Variants in GBE1 observed in about 807,000 individuals in gnomAD.
GBE1 encodes the protein 1,4-alpha-glucan-branching enzyme.
In GBE1, 70 loss-of-function variants were observed where a neutral mutation model predicts 88.8. The observed-to-expected ratio is 0.79, with a 90% CI of 0.65 to 0.96. The LOEUF is 0.96. GBE1 is among the 40% of genes least tolerant of loss of function. GBE1 has a pLI of 0.00. For missense variants in GBE1, 872 were observed against 871.0 expected (o/e 1.00, Z -0.01); for synonymous variants, 284 against 300.1 (o/e 0.95, Z 0.56).
chr3:81,737,765 A>T (rs1232789209), intron 1 of GBE1, among the ~76,000 whole-genome samples: 1 of 151,566 alleles, frequency 6.6e-6, no homozygotes, highest in East Asian at 1.9e-4. Flanking sequence ...TTTGTTTATT[A>T]TTATACTTTA....
At chr3:81,544,163 A>C (rs1703175717) in intron 12 of GBE1, among the ~76,000 whole-genome samples, 1 of 152,176 alleles carries the variant, frequency 6.6e-6, no homozygotes, top group African/African-American at 2.4e-5. Context: ...GCTTTTAAGC[A>C]AAATAAAAAA....
At chr3:81,516,903 T>C (rs1017774214) in intron 14 of GBE1, among the ~76,000 whole-genome samples, 70 of 151,564 alleles carry the variant, frequency 4.6e-4, no homozygotes, top group African/African-American at 1.7e-3. Flanking sequence ...AAAACTTTAA[T>C]GGATGAGGAA....
chr3:81,608,654 C>G (rs1443823760), intron 7 of GBE1, among the ~76,000 whole-genome samples: 2 of 152,116 alleles, frequency 1.3e-5, no homozygotes, highest in African/African-American at 4.8e-5. Flanking sequence ...TCTGTTAACT[C>G]CTTAAGATGA....
At chr3:81,616,145 C>T (rs1228915297) in intron 7 of GBE1, among the ~76,000 whole-genome samples, 1 of 152,070 alleles carries the variant, frequency 6.6e-6, no homozygotes, top group African/African-American at 2.4e-5. Context: ...TGGGTATATG[C>T]TTTGCAAACA....
rs150416205 is a variant in GBE1 at position 81,653,293 on chromosome 3, G to A, written c.430-3372C>T. Among the ~76,000 whole-genome samples the A allele has an allele frequency of 4.3e-3, 652 of 152,054 alleles. 8 individuals carry two copies. The highest frequency in any genetic ancestry group is 0.014 in the African/African-American group (586 of 41,486). ...AGCCTGGGCAACATAAGGAGACCTG[G>A]TCTCTACAAAAGATTAATGAAAAAT... On this transcript the variant is annotated intron_variant, in intron 3 of 15. Transcript: ENST00000429644.
chr3:81,518,061 G>T (rs892300358), intron 14 of GBE1, among the ~76,000 whole-genome samples: 11 of 151,382 alleles, frequency 7.3e-5, no homozygotes, highest in African/African-American at 2.7e-4. Flanking sequence ...AAAAATTGAT[G>T]AAAATGATCA....
chr3:81,740,639 T>A (rs1706334256), intron 1 of GBE1, among the ~76,000 whole-genome samples: 3 of 152,238 alleles, frequency 2.0e-5, no homozygotes, highest in Admixed American at 2.0e-4. Flanking sequence ...AAAGCCATTA[T>A]AAGATTTTGC....
chr3:81,604,248 A>T (rs1704072150), intron 7 of GBE1, among the ~76,000 whole-genome samples: 1 of 151,490 alleles, frequency 6.6e-6, no homozygotes, highest in Non-Finnish European at 1.5e-5. Flanking sequence ...GAAAGCTAAG[A>T]CATTCACATA....
At chr3:81,502,026 G>A (rs1702593288) in intron 14 of GBE1, among the ~76,000 whole-genome samples, 2 of 148,556 alleles carry the variant, frequency 1.3e-5, no homozygotes, top group Admixed American at 1.3e-4. Context: ...TAATAAAGGA[G>A]AATGTTCTCA....
At chr3:81,761,348 G>GT in intron 1 of GBE1, 27 bp downstream of exon 1, 1 of 1,595,934 alleles carries the variant, frequency 6.3e-7, no homozygotes, top group Middle Eastern at 1.7e-4. Context: ...GCCTGTCTAA[G>GT]TGGGGGTGGT....
chr3:81,622,640 G>T (rs1218107281), intron 7 of GBE1, among the ~76,000 whole-genome samples: 3 of 152,062 alleles, frequency 2.0e-5, no homozygotes, highest in Admixed American at 2.0e-4. Context: ...CATGCATCTC[G>T]CACTTGTGAT....
At chr3:81,520,223 A>G (rs1286300655) in intron 14 of GBE1, among the ~76,000 whole-genome samples, 3 of 151,460 alleles carry the variant, frequency 2.0e-5, no homozygotes, top group African/African-American at 7.3e-5. Flanking sequence ...TCAAATTGAA[A>G]GTTTGTGGAA....
intron 15 of GBE1, among the ~76,000 whole-genome samples, chr3:81,492,511 T>C (rs1702450133): frequency 6.6e-6 from 1 of 151,800 alleles, no homozygotes; most frequent in African/African-American, 2.4e-5. Flanking sequence ...ACCCATTCCC[T>C]CCCTACATCT....
intron 7 of GBE1, among the ~76,000 whole-genome samples, chr3:81,630,490 G>A (rs1188788642): frequency 6.6e-6 from 1 of 152,100 alleles, no homozygotes; most frequent in Non-Finnish European, 1.5e-5. Context: ...GAGGCATCAC[G>A]CTACCTGACT....
chr3:81,706,944 A>C (rs889918598), intron 1 of GBE1, among the ~76,000 whole-genome samples: 1 of 152,046 alleles, frequency 6.6e-6, no homozygotes, highest in Non-Finnish European at 1.5e-5. Flanking sequence ...ATAATTAAAG[A>C]AAAACAATGA....
chr3:81,690,362 C>T (rs1341319089), intron 2 of GBE1, among the ~76,000 whole-genome samples: 2 of 152,166 alleles, frequency 1.3e-5, no homozygotes, highest in Admixed American at 6.5e-5. Context: ...AGTTGTAACA[C>T]TATCAACCAA....
At chr3:81,682,476 A>G (rs536185751) in intron 2 of GBE1, among the ~76,000 whole-genome samples, 10 of 152,248 alleles carry the variant, frequency 6.6e-5, no homozygotes, top group African/African-American at 2.2e-4. Context: ...ATAAATAAAT[A>G]AATAAATAAA....
intron 2 of GBE1, among the ~76,000 whole-genome samples, chr3:81,688,832 T>A (rs575372369): frequency 1.7e-4 from 26 of 151,546 alleles, no homozygotes; most frequent in Non-Finnish European, 2.5e-4. Flanking sequence ...ATGCCAAAAA[T>A]ATTATATATA....
intron 1 of GBE1, among the ~76,000 whole-genome samples, chr3:81,726,544 T>C (rs1439150911): frequency 6.6e-6 from 1 of 152,044 alleles, no homozygotes; most frequent in Admixed American, 6.6e-5. Flanking sequence ...GTACTTTATT[T>C]GGTAGTTTTT....
Sources: allele counts gnomAD v4.1 joint callset (sites outside exome capture counted in the v4.1 genomes callset), GRCh38; gene constraint gnomAD v4.1.1; transcripts MANE v1.5; gene names NCBI Gene and HGNC (gene_info 2026-07-23, HGNC 2026-07-21).